The following NAA11 variants were observed in gnomAD, a reference collection of about 807,000 sequenced individuals.
NAA11 encodes N-alpha-acetyltransferase 11, NatA catalytic subunit.
NAA11 carries 15 observed loss-of-function variants against 16.1 expected under a neutral mutation model. The ratio of observed to expected loss-of-function variants is 0.93; its 90% confidence interval spans 0.62 to 1.44. NAA11 has a LOEUF of 1.44. Among genes scored for constraint, NAA11 ranks in the 40% most tolerant of loss-of-function variants. NAA11 has a pLI of 0.00. For synonymous variants in NAA11, 122 were observed against 112.4 expected (o/e 1.09, Z -0.54); for missense variants, 298 against 291.3 (o/e 1.02, Z -0.17).
chr4:79,221,097 G>A (rs1187548201), downstream of NAA11, among the ~76,000 whole-genome samples: 6 of 151,942 alleles, frequency 3.9e-5, no homozygotes, highest in Admixed American at 1.3e-4. Flanking sequence ...CACATCCCTT[G>A]TAAGTTGGAT....
chr4:79,275,410 GA>G (rs1722625073), intron 2 of NAA11, among the ~76,000 whole-genome samples: 1 of 152,012 alleles, frequency 6.6e-6, no homozygotes, highest in Non-Finnish European at 1.5e-5. Context: ...TAAGAAAGGG[GA>G]AAATTGAGGC....
chr4:79,187,998 CAAAAAAAAAAA>C, the NAA11 span, among the ~76,000 whole-genome samples: 3 of 74,186 alleles, frequency 4.0e-5, no homozygotes, highest in South Asian at 6.4e-4. Flanking sequence ...GACTCCGTCT[CAAAAAAAAAAA>C]AAAAAAAAAA....
chr4:79,246,789 C>G (rs1200512489), intron 2 of NAA11, among the ~76,000 whole-genome samples: 1 of 152,074 alleles, frequency 6.6e-6, no homozygotes, highest in East Asian at 1.9e-4. Flanking sequence ...GAACTAAATC[C>G]ACTGATCATT....
chr4:79,177,530 A>C, the NAA11 span, among the ~76,000 whole-genome samples: 2 of 152,122 alleles, frequency 1.3e-5, no homozygotes, highest in East Asian at 3.9e-4. Context: ...CTGTTCTTAG[A>C]ATGTGAGCTG....
intron 2 of NAA11, among the ~76,000 whole-genome samples, chr4:79,280,765 T>A (rs1413525460): frequency 1.3e-5 from 2 of 152,042 alleles, no homozygotes; most frequent in African/African-American, 2.4e-5. Flanking sequence ...TGATTTTAAT[T>A]AATATTAACA....
At chr4:79,265,857 C>A (rs1317474238) in intron 2 of NAA11, among the ~76,000 whole-genome samples, 1 of 151,908 alleles carries the variant, frequency 6.6e-6, no homozygotes, top group Non-Finnish European at 1.5e-5. Flanking sequence ...CCCAAGTAAT[C>A]CTCCTGCCTC....
chr4:79,208,378 A>G, the NAA11 span, among the ~76,000 whole-genome samples: 3 of 152,200 alleles, frequency 2.0e-5, no homozygotes, highest in African/African-American at 4.8e-5. Context: ...AGGGTGCAAC[A>G]TAGTTATAAA....
At chr4:79,208,395 C>A in the NAA11 span, among the ~76,000 whole-genome samples, 2 of 152,114 alleles carry the variant, frequency 1.3e-5, no homozygotes, top group South Asian at 2.1e-4. Flanking sequence ...TAAAGTACCA[C>A]GCTTATTTGA....
chr4:79,270,305 A>T (rs1722464141), intron 2 of NAA11, among the ~76,000 whole-genome samples: 1 of 152,066 alleles, frequency 6.6e-6, no homozygotes, highest in South Asian at 2.1e-4. Flanking sequence ...CTCGACACAT[A>T]CACTCTCCCA....
At chr4:79,312,841 G>C (rs1578193798), downstream of NAA11, among the ~76,000 whole-genome samples, 1 of 152,088 alleles carries the variant, frequency 6.6e-6, no homozygotes, top group South Asian at 2.1e-4. Context: ...GTGTGTATGT[G>C]TGTTTGTGTG....
the NAA11 span, among the ~76,000 whole-genome samples, chr4:79,187,219 T>C: frequency 6.6e-6 from 1 of 152,198 alleles, no homozygotes. Flanking sequence ...GAATAACAGA[T>C]ATCATTTCTG....
intron 1 of NAA11, among the ~76,000 whole-genome samples, chr4:79,321,539 G>C (rs1047858678): frequency 6.6e-6 from 1 of 152,164 alleles, no homozygotes; most frequent in Non-Finnish European, 1.5e-5. Flanking sequence ...ATAAGATGTA[G>C]GAGAACCATG....
chr4:79,312,906 T>G (rs927413421), downstream of NAA11, among the ~76,000 whole-genome samples: 1 of 152,216 alleles, frequency 6.6e-6, no homozygotes, highest in East Asian at 1.9e-4. Flanking sequence ...TCGCTTTACC[T>G]GAAAAATATA....
intron 2 of NAA11, chr4:79,259,116 G>C (rs930771390): frequency 2.0e-5 from 3 of 153,194 alleles, no homozygotes; most frequent in Admixed American, 2.0e-4. Context: ...CCCTCTGCTT[G>C]TCTGTGTACC....
At chr4:79,161,748 C>G in the NAA11 span, among the ~76,000 whole-genome samples, 1 of 151,428 alleles carries the variant, frequency 6.6e-6, no homozygotes, top group Non-Finnish European at 1.5e-5. Flanking sequence ...GATCTCGGCT[C>G]ACTGCAACCT....
At chr4:79,209,239 G>A in the NAA11 span, among the ~76,000 whole-genome samples, 1 of 152,274 alleles carries the variant, frequency 6.6e-6, no homozygotes, top group South Asian at 2.1e-4. Flanking sequence ...TTAATATCAG[G>A]AAGCAATTTA....
At chr4:79,279,449 T>C (rs1321162668) in intron 2 of NAA11, among the ~76,000 whole-genome samples, 3 of 152,100 alleles carry the variant, frequency 2.0e-5, no homozygotes, top group Admixed American at 2.0e-4. Context: ...TTGGGATACA[T>C]CAGGCAACAT....
chr4:79,303,800 G>A (rs2110004804), intron 1 of NAA11, among the ~76,000 whole-genome samples: 1 of 152,320 alleles, frequency 6.6e-6, no homozygotes, highest in Non-Finnish European at 1.5e-5. Flanking sequence ...ACCAAAAGAA[G>A]TAAGAGTATG....
At chr4:79,273,337 G>C (rs1341781948) in intron 2 of NAA11, among the ~76,000 whole-genome samples, 2 of 151,942 alleles carry the variant, frequency 1.3e-5, no homozygotes, top group Admixed American at 6.6e-5. Context: ...TTTTTAGTAG[G>C]TTAAAATCCA....
Sources: gnomAD v4.1 joint callset for allele counts (sites outside exome capture counted in the v4.1 genomes callset) on GRCh38, gnomAD v4.1.1 for gene constraint, MANE v1.5 for transcripts, NCBI Gene and HGNC (gene_info 2026-07-23, HGNC 2026-07-21) for gene names.